The following MGAT4C variants were observed in gnomAD, a reference collection of about 807,000 sequenced individuals.
MGAT4C encodes the protein MGAT4 family member C.
MGAT4C carries 19 observed loss-of-function variants against 40.1 expected under a neutral mutation model. The observed-to-expected ratio is 0.47, with a 90% CI of 0.33 to 0.70. The LOEUF (loss-of-function observed/expected upper bound fraction) is 0.70. MGAT4C is among the 30% of genes least tolerant of loss of function. The pLI, the probability that MGAT4C is intolerant of heterozygous loss-of-function variation, is 0.02. For missense variants in MGAT4C, 491 were observed against 563.2 expected (o/e 0.87, Z 1.30); for synonymous variants, 181 against 187.1 (o/e 0.97, Z 0.27).
chr12:86,246,120 C>T (rs1566214820), intron 1 of MGAT4C, among the ~76,000 whole-genome samples: 1 of 146,294 alleles, frequency 6.8e-6, no homozygotes, highest in African/African-American at 2.5e-5. Context: ...TCTCCAATGT[C>T]TTAGAGTTTA....
intron 1 of MGAT4C, among the ~76,000 whole-genome samples, chr12:86,224,286 A>G (rs564065347): frequency 6.6e-6 from 1 of 152,338 alleles, no homozygotes; most frequent in East Asian, 1.9e-4. Flanking sequence ...AATACACTGG[A>G]GTACCCAGAT....
At chr12:86,169,947 A>G (rs1886633074) in intron 1 of MGAT4C, among the ~76,000 whole-genome samples, 2 of 152,232 alleles carry the variant, frequency 1.3e-5, no homozygotes, top group South Asian at 2.1e-4. Flanking sequence ...AAAGGTTAGC[A>G]AAGGAAATGT....
chr12:86,227,312 T>C (rs1171983777), intron 1 of MGAT4C, among the ~76,000 whole-genome samples: 2 of 151,876 alleles, frequency 1.3e-5, no homozygotes, highest in African/African-American at 2.4e-5. Context: ...GTCTACATAC[T>C]ACATGTAGAA....
chr12:86,118,582 T>G lies in MGAT4C; in HGVS notation c.-56-68859A>C, dbSNP rs148693479. ...GAGAGGATGGCCAATACCAGGGGTT[T>G]CTTCTCGTCAAGCCAATGCTGAATG... On this transcript the variant is annotated intron_variant, in intron 1 of 4. Coordinates refer to ENST00000611864, the MANE Select transcript of MGAT4C (RefSeq NM_001351288.2). 5.1e-3 allele frequency among the ~76,000 whole-genome samples: 784 copies of G among 152,318 alleles called. 4 individuals are homozygous for G. The highest frequency in any genetic ancestry group is 0.01 in the Middle Eastern group (3 of 294).
intron 3 of MGAT4C, among the ~76,000 whole-genome samples, chr12:86,430,532 G>A (rs1008715918): frequency 1.3e-5 from 2 of 152,184 alleles, no homozygotes; most frequent in Non-Finnish European, 2.9e-5. Context: ...GGGTGAGGTT[G>A]CTCTTTGGGC....
At chr12:86,550,821 C>G (rs969844551) in intron 2 of MGAT4C, among the ~76,000 whole-genome samples, 1 of 152,188 alleles carries the variant, frequency 6.6e-6, no homozygotes, top group Non-Finnish European at 1.5e-5. Context: ...AAGCAGTTGA[C>G]ATGCACCCTG....
At chr12:86,729,326 A>G (rs569622347) in intron 1 of MGAT4C, among the ~76,000 whole-genome samples, 39 of 152,274 alleles carry the variant, frequency 2.6e-4, no homozygotes, top group Non-Finnish European at 5.7e-4. Context: ...CACGTAACCC[A>G]CAAATATATA....
chr12:86,289,703 GCT>G (rs1158341098), intron 4 of MGAT4C, among the ~76,000 whole-genome samples: 1 of 152,116 alleles, frequency 6.6e-6, no homozygotes, highest in East Asian at 1.9e-4. Flanking sequence ...TGGGATCTCA[GCT>G]TGGATGTTGT....
chr12:86,592,899 A>G lies in MGAT4C; in HGVS notation c.-229+134310T>C, dbSNP rs1042062972. Among the ~76,000 whole-genome samples the G allele has an allele frequency of 2.0e-5, 3 of 152,184 alleles. No homozygotes were observed. The South Asian group carries it at 6.2e-4, about 31-fold the overall frequency. On this transcript the variant is annotated intron_variant, in intron 2 of 7. Transcript: ENST00000548651. The stretch of plus-strand genomic sequence containing the variant: ...ATATCAACATTTACCTTTATTGTCT[A>G]TATCAACTGTTGGATTGAAAAGTTG...
intron 1 of MGAT4C, among the ~76,000 whole-genome samples, chr12:86,120,062 T>G (rs1202506835): frequency 1.3e-5 from 2 of 151,862 alleles, no homozygotes; most frequent in Non-Finnish European, 2.9e-5. Flanking sequence ...TGCTAACAAT[T>G]TATACAAGCT....
chr12:86,806,380 G>A (rs1225162732), intron 1 of MGAT4C, among the ~76,000 whole-genome samples: 1 of 151,912 alleles, frequency 6.6e-6, no homozygotes, highest in Non-Finnish European at 1.5e-5. Context: ...TAACATTGGT[G>A]TTTGTACAAT....
At chr12:86,567,574 T>A (rs1346818726) in intron 2 of MGAT4C, among the ~76,000 whole-genome samples, 2 of 152,048 alleles carry the variant, frequency 1.3e-5, no homozygotes, top group Non-Finnish European at 2.9e-5. Context: ...CAATGGGAAA[T>A]TACAACAGCC....
At position 86,254,276 on chromosome 12, in the gene MGAT4C, A is replaced by G. The variant is rs952224020; in HGVS notation, c.-57+1963T>C. Reference sequence around the variant, plus strand: ...GAAGTCCATTAGCTAGGTAGCTCATATCTCGTGTACTTGCGTTGTATAAAG... The same window carrying G: ...GAAGTCCATTAGCTAGGTAGCTCATGTCTCGTGTACTTGCGTTGTATAAAG... On this transcript the variant is annotated intron_variant, in intron 1 of 4. Transcript: ENST00000611864. Among the ~76,000 whole-genome samples the G allele has an allele frequency of 3.3e-5, 5 of 152,138 alleles. No individual in the cohort carries two copies. The Middle Eastern group carries it at 0.01, about 310-fold the overall frequency.
At chr12:86,694,656 G>T (rs1052700939) in intron 2 of MGAT4C, among the ~76,000 whole-genome samples, 14 of 152,120 alleles carry the variant, frequency 9.2e-5, no homozygotes, top group African/African-American at 3.4e-4. Flanking sequence ...ATTACAGTAG[G>T]ATTTGAATTA....
rs3047014 is a variant in MGAT4C at position 86,250,330 on chromosome 12, T to TGA, written c.-57+5907_-57+5908dup. On this transcript the variant is annotated intron_variant, in intron 1 of 4. Coordinates refer to ENST00000611864, the MANE Select transcript of MGAT4C (RefSeq NM_001351288.2). Reference sequence around the variant, plus strand: ...ACAAGCAACCTACACACACACACACTGAGAGAGAGAGAGAGAGAGAGAGAG... The same window carrying TGA: ...ACAAGCAACCTACACACACACACACTGAGAGAGAGAGAGAGAGAGAGAGAGAG... Among the ~76,000 whole-genome samples, 1,424 of 142,868 alleles carry TGA rather than the reference T, an allele frequency of 1.0e-2. 8 individuals carry two copies. Among genetic ancestry groups the TGA allele is most frequent in the Non-Finnish European group, 0.012 (791 of 65,188 alleles). The allele number at this position is 142,868 out of a possible 152,430, so 93.7% of individuals were successfully genotyped here. A position where few individuals can be genotyped will look rare whatever the true frequency, so the allele number is the denominator to read the frequency against.
chr12:86,743,739 A>G (rs1469521643), intron 1 of MGAT4C, among the ~76,000 whole-genome samples: 1 of 151,692 alleles, frequency 6.6e-6, no homozygotes, highest in Non-Finnish European at 1.5e-5. Context: ...TTGGTCTTCC[A>G]TCTCTATAGG....
intron 2 of MGAT4C, among the ~76,000 whole-genome samples, chr12:86,455,103 A>G (rs1429448918): frequency 6.6e-6 from 1 of 152,094 alleles, no homozygotes; most frequent in Non-Finnish European, 1.5e-5. Context: ...ATGCCCTTGT[A>G]TCATTTTAAA....
At chr12:86,048,595 A>C (rs1892625032) in intron 2 of MGAT4C, among the ~76,000 whole-genome samples, 1 of 152,126 alleles carries the variant, frequency 6.6e-6, no homozygotes, top group Admixed American at 6.6e-5. Context: ...AATGATGTGA[A>C]AAAAGGAAGA....
At chr12:86,203,639 T>C (rs1302863449) in intron 1 of MGAT4C, among the ~76,000 whole-genome samples, 1 of 152,114 alleles carries the variant, frequency 6.6e-6, no homozygotes, top group African/African-American at 2.4e-5. Flanking sequence ...TCTGTATGTA[T>C]TTTCCTTCTT....
Sources: gnomAD v4.1 joint callset for allele counts (sites outside exome capture counted in the v4.1 genomes callset) on GRCh38, gnomAD v4.1.1 for gene constraint, MANE v1.5 for transcripts, NCBI Gene and HGNC (gene_info 2026-07-23, HGNC 2026-07-21) for gene names.